PCCA: variants seen among roughly 807,000 people sequenced by gnomAD.
The protein encoded by PCCA is propionyl-CoA carboxylase subunit alpha.
A neutral mutation model predicts 101.3 loss-of-function variants in PCCA; 74 were observed. The ratio of observed to expected loss-of-function variants is 0.73; its 90% CI spans 0.61 to 0.89. The LOEUF is 0.89. PCCA is among the 40% of genes least tolerant of loss of function. The pLI, the probability that PCCA is intolerant of heterozygous loss-of-function variation, is 0.00. For synonymous variants in PCCA, 294 were observed against 313.6 expected, an observed-to-expected ratio of 0.94 and a Z score of 0.66; for missense variants, 891 against 907.0, an observed-to-expected ratio of 0.98 and a Z score of 0.23.
intron 8 of PCCA, among the ~76,000 whole-genome samples, chr13:100,251,979 A>C (rs1474933152): frequency 8.0e-6 from 1 of 124,608 alleles, no homozygotes; most frequent in African/African-American, 2.9e-5. Flanking sequence ...ACAAACCCAC[A>C]CTTTCCCTTC....
rs187999074 is a variant in PCCA at position 100,318,851 on chromosome 13, G to A, written c.1429+8943G>A. Among the ~76,000 whole-genome samples the A allele has an allele frequency of 7.9e-3, 1,202 of 152,280 alleles. 11 individuals carry two copies. Among genetic ancestry groups the A allele is most frequent in the Non-Finnish European group, 0.013 (908 of 68,022 alleles). ...ATAATCCTTTGGGTATATATACCCA[G>A]TAATGAGATGGCTGAGTCAAATGGT... On this transcript the variant is annotated intron_variant, in intron 16 of 23. Transcript: ENST00000376285.
chr13:100,448,014 G>A (rs2152924466), intron 20 of PCCA, among the ~76,000 whole-genome samples: 1 of 152,280 alleles, frequency 6.6e-6, no homozygotes, highest in African/African-American at 2.4e-5. Flanking sequence ...ATGGCATGTA[G>A]TTGAGTGAAA....
intron 10 of PCCA, among the ~76,000 whole-genome samples, chr13:100,265,613 C>A (rs556245091): frequency 7.9e-5 from 12 of 152,276 alleles, no homozygotes; most frequent in African/African-American, 2.4e-4. Flanking sequence ...CTCCCACACA[C>A]CCCATCTGAT....
At chr13:100,437,573 C>A (rs1378611097) in intron 20 of PCCA, among the ~76,000 whole-genome samples, 1 of 150,728 alleles carries the variant, frequency 6.6e-6, no homozygotes, top group African/African-American at 2.4e-5. Flanking sequence ...GTTTTCATTG[C>A]CGAAGTAGTC....
intron 6 of PCCA, among the ~76,000 whole-genome samples, chr13:100,171,713 C>A (rs554167948): frequency 6.6e-6 from 1 of 152,224 alleles, no homozygotes; most frequent in South Asian, 2.1e-4. Context: ...CATAGGAAAA[C>A]CCCATCTCTA....
At chr13:100,300,963 C>T (rs990605326) in intron 12 of PCCA, among the ~76,000 whole-genome samples, 2 of 152,180 alleles carry the variant, frequency 1.3e-5, no homozygotes, top group Non-Finnish European at 1.5e-5. Context: ...TGCTACACTG[C>T]CTCGATGCAA....
chr13:100,438,622 C>A lies in PCCA; in HGVS notation c.1846-10630C>A, dbSNP rs117374735. Among the ~76,000 whole-genome samples, 5 of 152,094 alleles carry A rather than the reference C, an allele frequency of 3.3e-5. No homozygotes were observed. In the East Asian group the frequency reaches 9.6e-4, roughly 29 times the overall value. On this transcript the variant is annotated intron_variant, in intron 20 of 23. Transcript: ENST00000376285. ...GATGCCTTTAATTGCCTCTGTAGAG[C>A]ACGTACACCCTTTCCCTGTGGCATA... is the stretch of plus-strand genomic sequence containing the variant.
chr13:100,430,362 C>T (rs1392858529), intron 20 of PCCA, among the ~76,000 whole-genome samples: 3 of 152,176 alleles, frequency 2.0e-5, no homozygotes, highest in African/African-American at 7.2e-5. Flanking sequence ...CCCTGAAGAA[C>T]ACCATTATGA....
At chr13:100,463,646 A>T (rs185184052) in intron 21 of PCCA, among the ~76,000 whole-genome samples, 123 of 152,278 alleles carry the variant, frequency 8.1e-4, no homozygotes, top group Non-Finnish European at 1.4e-3. Context: ...GAAGAAGATT[A>T]AGAGTGAGCA....
intron 18 of PCCA, among the ~76,000 whole-genome samples, chr13:100,343,811 C>T (rs935697489): frequency 6.6e-6 from 1 of 152,244 alleles, no homozygotes; most frequent in African/African-American, 2.4e-5. Flanking sequence ...TGCAGTGGCT[C>T]ATGCCTGTAG....
intron 4 of PCCA, among the ~76,000 whole-genome samples, chr13:100,131,197 G>A (rs1299649116): frequency 6.6e-6 from 1 of 152,106 alleles, no homozygotes; most frequent in Non-Finnish European, 1.5e-5. Context: ...CTGTGCAAAC[G>A]AAGGATTCAA....
At chr13:100,499,826 A>C (rs2057448) in intron 21 of PCCA, among the ~76,000 whole-genome samples, 35,771 of 152,188 alleles carry the variant, frequency 0.24, 5,043 homozygotes, top group East Asian at 0.55. Context: ...ACATAGGAGA[A>C]GCAAAGGAAA....
chr13:100,520,242 C>T (rs1033207273), intron 22 of PCCA, among the ~76,000 whole-genome samples: 1 of 152,204 alleles, frequency 6.6e-6, no homozygotes, highest in Non-Finnish European at 1.5e-5. Context: ...ATGAACTTCC[C>T]CTGTGGCAAG....
intron 19 of PCCA, among the ~76,000 whole-genome samples, chr13:100,421,597 A>G (rs2152886995): frequency 6.6e-6 from 1 of 151,728 alleles, no homozygotes; most frequent in East Asian, 1.9e-4. Context: ...TAGTACTTAG[A>G]CTATATTGCT....
At chr13:100,215,001 T>G (rs2059432753) in intron 7 of PCCA, among the ~76,000 whole-genome samples, 1 of 152,220 alleles carries the variant, frequency 6.6e-6, no homozygotes, top group Non-Finnish European at 1.5e-5. Flanking sequence ...CTCTCCAAAC[T>G]GATACTGTGC....
chr13:100,354,547 G>A (rs536591378), intron 18 of PCCA, among the ~76,000 whole-genome samples: 1 of 152,072 alleles, frequency 6.6e-6, no homozygotes, highest in East Asian at 1.9e-4. Flanking sequence ...AAGCAATAGA[G>A]GAAATCAATA....
At chr13:100,212,866 C>A (rs1566720006) in intron 7 of PCCA, among the ~76,000 whole-genome samples, 1 of 151,340 alleles carries the variant, frequency 6.6e-6, no homozygotes, top group Non-Finnish European at 1.5e-5. Flanking sequence ...ATCCCCACAT[C>A]ACCCACCCCC....
At chr13:100,361,444 CT>C (rs71419745) in intron 18 of PCCA, among the ~76,000 whole-genome samples, 3,473 of 149,298 alleles carry the variant, frequency 0.023, 97 homozygotes, top group East Asian at 0.074. Context: ...AAAATAATGT[CT>C]TTTTTTTTTT....
At chr13:100,312,314 CCTTT>C (rs2066984358) in intron 16 of PCCA, among the ~76,000 whole-genome samples, 1 of 152,146 alleles carries the variant, frequency 6.6e-6, no homozygotes, top group African/African-American at 2.4e-5. Context: ...CTCTCTTGGT[CCTTT>C]GAAAGTAACT....
Sources: gnomAD v4.1 joint callset for allele counts (sites outside exome capture counted in the v4.1 genomes callset) on GRCh38, gnomAD v4.1.1 for gene constraint, MANE v1.5 for transcripts, NCBI Gene and HGNC (gene_info 2026-07-23, HGNC 2026-07-21) for gene names.